PDE4D: variants seen among roughly 807,000 people sequenced by gnomAD.
PDE4D encodes phosphodiesterase 4D.
A neutral mutation model predicts 87.4 loss-of-function variants in PDE4D; 24 were observed. The observed-to-expected ratio is 0.27, with a 90% confidence interval of 0.20 to 0.39. PDE4D has a LOEUF of 0.39. Ranked by LOEUF, PDE4D falls within the 10% of genes least tolerant of loss-of-function variation. The pLI is 1.00. For synonymous variants in PDE4D, 384 were observed against 383.2 expected, an observed-to-expected ratio of 1.00 and a Z score of -0.02; for missense variants, 714 against 1,041.0, an observed-to-expected ratio of 0.69 and a Z score of 4.32.
chr5:59,103,278 C>A (rs1226279173), intron 5 of PDE4D, among the ~76,000 whole-genome samples: 1 of 151,988 alleles, frequency 6.6e-6, no homozygotes, highest in Non-Finnish European at 1.5e-5. Context: ...AGACCCAGTC[C>A]AAAAGGGCCC....
At chr5:59,641,616 T>C (rs1741595300) in intron 1 of PDE4D, among the ~76,000 whole-genome samples, 1 of 152,088 alleles carries the variant, frequency 6.6e-6, no homozygotes, top group Non-Finnish European at 1.5e-5. Context: ...AAGAAAACAA[T>C]GAACACATCA....
At chr5:59,083,330 C>G (rs572151140) in intron 5 of PDE4D, among the ~76,000 whole-genome samples, 1 of 152,056 alleles carries the variant, frequency 6.6e-6, no homozygotes, top group South Asian at 2.1e-4. Flanking sequence ...AGATATGTAT[C>G]CTTTTTTCCT....
chr5:60,127,493 A>C (rs1779216428), intron 2 of PDE4D: 750 of 349,196 alleles, frequency 2.1e-3, no homozygotes, highest in East Asian at 3.5e-3. Flanking sequence ...CAGCACAGAC[A>C]GGCCGGCCCC....
intron 1 of PDE4D, among the ~76,000 whole-genome samples, chr5:59,289,488 T>C (rs1250123619): frequency 6.7e-6 from 1 of 150,012 alleles, no homozygotes; most frequent in Non-Finnish European, 1.5e-5. Flanking sequence ...AAATTCAACA[T>C]CCCTTCATGA....
intron 7 of PDE4D, among the ~76,000 whole-genome samples, chr5:58,992,231 A>G (rs1748078680): frequency 6.6e-6 from 1 of 152,206 alleles, no homozygotes; most frequent in Admixed American, 6.5e-5. Context: ...ATAATATCAA[A>G]TGTATTCCAT....
chr5:60,511,650 A>T (rs1213160044), intron 1 of PDE4D, among the ~76,000 whole-genome samples: 1 of 151,892 alleles, frequency 6.6e-6, no homozygotes, highest in Admixed American at 6.6e-5. Context: ...ACAGATAAGG[A>T]AACTAATGCT....
intron 1 of PDE4D, among the ~76,000 whole-genome samples, chr5:59,642,808 T>C (rs1048250958): frequency 2.0e-5 from 3 of 151,976 alleles, no homozygotes; most frequent in African/African-American, 7.2e-5. Flanking sequence ...AGAAGTCTTA[T>C]AAAAAATTTG....
chr5:60,277,632 C>CA (rs1427069854), intron 1 of PDE4D, among the ~76,000 whole-genome samples: 4 of 151,844 alleles, frequency 2.6e-5, no homozygotes, highest in Non-Finnish European at 4.4e-5. Context: ...CTTCTTACCA[C>CA]AAAAAAAGGT....
intron 1 of PDE4D, among the ~76,000 whole-genome samples, chr5:59,293,531 A>C (rs1426669922): frequency 6.6e-6 from 1 of 152,162 alleles, no homozygotes; most frequent in Non-Finnish European, 1.5e-5. Flanking sequence ...CATTCTGCTC[A>C]ATTGCTCAGT....
intron 1 of PDE4D, among the ~76,000 whole-genome samples, chr5:59,259,974 A>AT (rs1761696673): frequency 6.6e-6 from 1 of 151,776 alleles, no homozygotes; most frequent in African/African-American, 2.4e-5. Context: ...TGAATTTAAC[A>AT]TTTTTTTCTA....
intron 1 of PDE4D, among the ~76,000 whole-genome samples, chr5:59,798,162 G>A (rs1397012500): frequency 6.6e-6 from 1 of 152,088 alleles, no homozygotes; most frequent in Admixed American, 6.6e-5. Context: ...GCACCTGGGA[G>A]GTTGAGGCTG....
chr5:60,470,174 A>G (rs1747708238), intron 1 of PDE4D, among the ~76,000 whole-genome samples: 1 of 152,220 alleles, frequency 6.6e-6, no homozygotes, highest in Non-Finnish European at 1.5e-5. Flanking sequence ...AGATCAAACC[A>G]GTGACAACAT....
intron 1 of PDE4D, among the ~76,000 whole-genome samples, chr5:59,871,900 C>A (rs1160467006): frequency 1.3e-5 from 2 of 152,120 alleles, no homozygotes; most frequent in Non-Finnish European, 2.9e-5. Context: ...GTCACCAAAT[C>A]GTACTACTTC....
intron 2 of PDE4D, among the ~76,000 whole-genome samples, chr5:60,027,592 G>A (rs1766775448): frequency 6.6e-6 from 1 of 151,982 alleles, no homozygotes. Context: ...ATCCATTACT[G>A]GTCTCTTGTC....
chr5:59,785,515 A>G (rs1765080353), intron 1 of PDE4D, among the ~76,000 whole-genome samples: 1 of 152,204 alleles, frequency 6.6e-6, no homozygotes, highest in South Asian at 2.1e-4. Context: ...CTGACCCATT[A>G]TGTAACAGCC....
intron 3 of PDE4D, among the ~76,000 whole-genome samples, chr5:59,931,728 G>T (rs1399247916): frequency 7.5e-6 from 1 of 132,804 alleles, no homozygotes; most frequent in South Asian, 2.4e-4. Flanking sequence ...TTGAGACGGA[G>T]TCTCACTCTG....
chr5:60,261,293 A>G (rs1749622606), intron 1 of PDE4D, among the ~76,000 whole-genome samples: 1 of 152,090 alleles, frequency 6.6e-6, no homozygotes, highest in Non-Finnish European at 1.5e-5. Flanking sequence ...GCTTTAGTTA[A>G]TTTTCCAAAC....
chr5:59,623,603 G>A (rs1830573079), intron 1 of PDE4D, among the ~76,000 whole-genome samples: 1 of 151,936 alleles, frequency 6.6e-6, no homozygotes, highest in Non-Finnish European at 1.5e-5. Context: ...CCTGATCTTG[G>A]TATGTGCCCT....
chr5:59,053,429 G>A (rs1761845182), intron 5 of PDE4D, among the ~76,000 whole-genome samples: 1 of 148,982 alleles, frequency 6.7e-6, no homozygotes, highest in Non-Finnish European at 1.5e-5. Flanking sequence ...ATATTTACTA[G>A]ATAGTATTAT....
Sources: allele counts gnomAD v4.1 joint callset (sites outside exome capture counted in the v4.1 genomes callset), GRCh38; gene constraint gnomAD v4.1.1; transcripts MANE v1.5; gene names NCBI Gene and HGNC (gene_info 2026-07-23, HGNC 2026-07-21).